RGS5: variants seen among roughly 807,000 people sequenced by gnomAD.
RGS5 encodes regulator of G protein signaling 5, also known as regulator of G-protein signalling 5.
In RGS5, 20 loss-of-function variants were observed where a neutral mutation model predicts 18.9. The observed-to-expected ratio is 1.06, with a 90% CI of 0.74 to 1.54. RGS5 has a LOEUF of 1.54. RGS5 is among the 40% of genes most tolerant of loss of function. The probability of loss-of-function intolerance (pLI) is 0.00; values close to 1 mark genes in which losing one functional copy is unlikely to be tolerated. For synonymous variants in RGS5, 57 were observed against 76.2 expected, an observed-to-expected ratio of 0.75 and a Z score of 1.31; for missense variants, 201 against 211.8, an observed-to-expected ratio of 0.95 and a Z score of 0.32.
At chr1:163,238,361 T>C (rs1404483772) in intron 2 of RGS5, 6 of 152,338 alleles carry the variant, frequency 3.9e-5, no homozygotes, top group African/African-American at 1.4e-4. Context: ...AAAATCCAAA[T>C]GTTTTCTTTT....
intron 2 of RGS5, chr1:163,244,781 T>C (rs1382061935): frequency 6.6e-6 from 1 of 152,150 alleles, no homozygotes; most frequent in Non-Finnish European, 1.5e-5. Context: ...CACAGAATCA[T>C]TCAGAAGGTT....
At chr1:163,196,526 C>G (rs1042973048) in intron 1 of RGS5, among the ~76,000 whole-genome samples, 5 of 151,988 alleles carry the variant, frequency 3.3e-5, no homozygotes, top group African/African-American at 1.2e-4. Flanking sequence ...TCAGCATAAC[C>G]CAGACTAAAT....
intron 2 of RGS5, among the ~76,000 whole-genome samples, chr1:163,303,709 G>C (rs1649623898): frequency 6.6e-6 from 1 of 152,176 alleles, no homozygotes; most frequent in African/African-American, 2.4e-5. Flanking sequence ...TCTGTGGCCT[G>C]TTAGGAACCA....
At chr1:163,187,417 T>C (rs1266959294) in intron 1 of RGS5, among the ~76,000 whole-genome samples, 1 of 152,136 alleles carries the variant, frequency 6.6e-6, no homozygotes, top group Non-Finnish European at 1.5e-5. Flanking sequence ...TTTGTTACAG[T>C]CTTTTGTGAT....
intron 2 of RGS5, among the ~76,000 whole-genome samples, chr1:163,243,923 G>A (rs1037311920): frequency 6.6e-6 from 1 of 152,052 alleles, no homozygotes; most frequent in Non-Finnish European, 1.5e-5. Flanking sequence ...ACAAAAGACT[G>A]GCTCCTTCAC....
upstream of RGS5, among the ~76,000 whole-genome samples, chr1:163,206,229 C>A (rs901883815): frequency 2.6e-5 from 4 of 152,150 alleles, no homozygotes; most frequent in African/African-American, 9.7e-5. Context: ...AACCTGCTGG[C>A]ACCTTGATCT....
chr1:163,239,487 T>TAA (rs35982197), intron 2 of RGS5, among the ~76,000 whole-genome samples: 1 of 133,304 alleles, frequency 7.5e-6, no homozygotes, highest in Admixed American at 7.6e-5. Context: ...ATCCGTCTCT[T>TAA]AAAAAAAAAA....
chr1:163,159,029 C>T (rs1657696656), intron 3 of RGS5, among the ~76,000 whole-genome samples: 1 of 152,198 alleles, frequency 6.6e-6, no homozygotes. Flanking sequence ...ATATTTCTCC[C>T]ATTTGCTTTT....
chr1:163,274,754 G>A (rs1486104258), intron 2 of RGS5, among the ~76,000 whole-genome samples: 2 of 152,182 alleles, frequency 1.3e-5, no homozygotes, highest in African/African-American at 2.4e-5. Context: ...AAGTTGTTGT[G>A]AGAATAAGAT....
intron 1 of RGS5, among the ~76,000 whole-genome samples, chr1:163,171,873 T>A (rs1403317544): frequency 6.6e-6 from 1 of 152,074 alleles, no homozygotes; most frequent in African/African-American, 2.4e-5. Flanking sequence ...GTGGAAACAA[T>A]CACAAACGGG....
At chr1:163,242,035 A>G (rs1288190845) in intron 2 of RGS5, among the ~76,000 whole-genome samples, 1 of 152,228 alleles carries the variant, frequency 6.6e-6, no homozygotes, top group Non-Finnish European at 1.5e-5. Flanking sequence ...TAGCACTGGA[A>G]TAAAGGAAGT....
At chr1:163,184,422 G>C (rs999736644) in intron 1 of RGS5, among the ~76,000 whole-genome samples, 13 of 147,736 alleles carry the variant, frequency 8.8e-5, no homozygotes, top group African/African-American at 3.2e-4. Flanking sequence ...AAAAAGGGAA[G>C]AACAATGTCT....
intron 2 of RGS5, among the ~76,000 whole-genome samples, chr1:163,272,654 A>T (rs2101713007): frequency 6.6e-6 from 1 of 152,090 alleles, no homozygotes; most frequent in East Asian, 1.9e-4. Context: ...ATCATTTGTT[A>T]AAAAAGAAGT....
At chr1:163,253,849 G>A (rs1325300413) in intron 2 of RGS5, among the ~76,000 whole-genome samples, 1 of 143,018 alleles carries the variant, frequency 7.0e-6, no homozygotes, top group East Asian at 2.1e-4. Context: ...CCCTTCCTGT[G>A]TCCATGTGTT....
At chr1:163,194,274 A>G (rs1248924356) in intron 1 of RGS5, among the ~76,000 whole-genome samples, 1 of 152,188 alleles carries the variant, frequency 6.6e-6, no homozygotes, top group Middle Eastern at 3.2e-3. Flanking sequence ...AGATTTTTAA[A>G]CATTATGGGA....
intron 3 of RGS5, among the ~76,000 whole-genome samples, chr1:163,160,783 A>C (rs2102392221): frequency 6.6e-6 from 1 of 152,318 alleles, no homozygotes; most frequent in Non-Finnish European, 1.5e-5. Flanking sequence ...ACAAAGTTTC[A>C]TATTCCATTC....
At chr1:163,209,616 A>G (rs1247709323) in intron 1 of RGS5, among the ~76,000 whole-genome samples, 1 of 152,084 alleles carries the variant, frequency 6.6e-6, no homozygotes, top group Admixed American at 6.6e-5. Context: ...ATCCCTAAGT[A>G]TTTAATCTTC....
chr1:163,277,163 T>A (rs569633680), intron 2 of RGS5, among the ~76,000 whole-genome samples: 1 of 152,306 alleles, frequency 6.6e-6, no homozygotes, highest in Admixed American at 6.5e-5. Context: ...GATAATAACT[T>A]AACTCTTTCA....
At chr1:163,262,305 C>T (rs1372444041) in intron 2 of RGS5, among the ~76,000 whole-genome samples, 2 of 94,192 alleles carry the variant, frequency 2.1e-5, no homozygotes, top group African/African-American at 4.1e-5. Flanking sequence ...TATCCCTCCC[C>T]CCTCCCCCGA....
Sources: gnomAD v4.1 joint callset for allele counts (sites outside exome capture counted in the v4.1 genomes callset) on GRCh38, gnomAD v4.1.1 for gene constraint, MANE v1.5 for transcripts, NCBI Gene and HGNC (gene_info 2026-07-23, HGNC 2026-07-21) for gene names.